The following TBX15 variants were observed in gnomAD, a reference collection of about 807,000 sequenced individuals.
TBX15 encodes T-box transcription factor TBX15.
Under a neutral mutation model 53.9 loss-of-function variants are expected in TBX15, and 18 were observed. The ratio of observed to expected loss-of-function variants is 0.33; its 90% CI spans 0.23 to 0.49. The LOEUF (loss-of-function observed/expected upper bound fraction) is 0.49, where lower values mean the gene tolerates loss of function less well. Ranked by LOEUF, TBX15 falls within the 20% of genes least tolerant of loss-of-function variation. The probability of loss-of-function intolerance (pLI) is 0.98; values close to 1 mark genes in which losing one functional copy is unlikely to be tolerated. For synonymous variants in TBX15, 295 were observed against 278.0 expected (o/e 1.06, Z -0.61); for missense variants, 692 against 749.5 (o/e 0.92, Z 0.90).
intron 1 of TBX15, among the ~76,000 whole-genome samples, chr1:118,964,111 A>G (rs1257518452): frequency 2.6e-5 from 4 of 152,248 alleles, no homozygotes; most frequent in Non-Finnish European, 5.9e-5. Context: ...AGCAAATGAA[A>G]TGGTGCCACT....
At chr1:118,888,185 T>C (rs531668497) in intron 7 of TBX15, among the ~76,000 whole-genome samples, 2 of 152,270 alleles carry the variant, frequency 1.3e-5, no homozygotes, top group East Asian at 3.9e-4. Context: ...GCCCTGAGCC[T>C]GATTCTAGGC....
chr1:118,912,061 G>A (rs541626871), intron 6 of TBX15, among the ~76,000 whole-genome samples: 1 of 152,206 alleles, frequency 6.6e-6, no homozygotes, highest in East Asian at 1.9e-4. Context: ...CTGCTCATAG[G>A]AAAGCACTTA....
chr1:118,916,817 G>T (rs972993117), intron 5 of TBX15, among the ~76,000 whole-genome samples: 1 of 151,986 alleles, frequency 6.6e-6, no homozygotes. Flanking sequence ...GGTGAGCTAC[G>T]ATTGCACCAC....
intron 1 of TBX15, among the ~76,000 whole-genome samples, chr1:118,957,732 T>A (rs1327468465): frequency 6.6e-6 from 1 of 152,228 alleles, no homozygotes; most frequent in Non-Finnish European, 1.5e-5. Context: ...TTTGGTTTTT[T>A]GTCCTCGCGA....
At chr1:118,896,089 A>C (rs1285744851) in intron 7 of TBX15, among the ~76,000 whole-genome samples, 1 of 152,152 alleles carries the variant, frequency 6.6e-6, no homozygotes, top group Non-Finnish European at 1.5e-5. Flanking sequence ...GATTTTTTGT[A>C]GTTTTTTTAG....
intron 1 of TBX15, among the ~76,000 whole-genome samples, chr1:118,935,616 G>A (rs1437630550): frequency 6.6e-6 from 1 of 152,064 alleles, no homozygotes; most frequent in Non-Finnish European, 1.5e-5. Context: ...GTGACTCACA[G>A]GGCCAAAGCA....
At chr1:118,962,961 A>G (rs1449763921) in intron 1 of TBX15, among the ~76,000 whole-genome samples, 1 of 152,238 alleles carries the variant, frequency 6.6e-6, no homozygotes, top group African/African-American at 2.4e-5. Context: ...AAAAGGGAAG[A>G]ATGAAACTTT....
In TBX15 at chr1:118,987,999, G is replaced by T. The variant is rs1029665937; in HGVS notation, c.-204C>A. On this transcript the variant is annotated 5_prime_UTR_variant, in exon 1 of 8. Transcript: ENST00000369429. The stretch of plus-strand genomic sequence containing the variant: ...TGCCGGATCCGACCTGCGCCCCTAC[G>T]CTGGCCCAGCTGCTAGGAACTAGCG... 3 of 658,990 alleles carry T rather than the reference G, an allele frequency of 4.6e-6. No homozygotes were observed. Among genetic ancestry groups the T allele is most frequent in the Admixed American group, 6.0e-5 (2 of 33,438 alleles). The allele number at this position is 658,990 out of a possible 1,614,324, so 40.8% of individuals were successfully genotyped here.
intron 5 of TBX15, among the ~76,000 whole-genome samples, chr1:118,921,020 C>G (rs924672459): frequency 6.6e-6 from 1 of 151,074 alleles, no homozygotes; most frequent in Admixed American, 6.6e-5. Flanking sequence ...AAAAAAAAAT[C>G]AAAACAATTA....
chr1:118,963,454 C>T (rs1196511077), intron 1 of TBX15, among the ~76,000 whole-genome samples: 1 of 152,194 alleles, frequency 6.6e-6, no homozygotes, highest in Non-Finnish European at 1.5e-5. Flanking sequence ...TACTTGTTTC[C>T]CTCTCCTGAG....
chr1:118,953,667 G>C (rs775851124), intron 1 of TBX15, among the ~76,000 whole-genome samples: 1 of 152,158 alleles, frequency 6.6e-6, no homozygotes, highest in Non-Finnish European at 1.5e-5. Context: ...TCCTAACCCA[G>C]TACCAACACT....
intron 5 of TBX15, among the ~76,000 whole-genome samples, chr1:118,918,410 A>G (rs1383484592): frequency 1.3e-5 from 2 of 152,100 alleles, no homozygotes; most frequent in Non-Finnish European, 2.9e-5. Context: ...CAAAACCATG[A>G]TAAGCTTCAG....
rs1207576724 is a variant in TBX15 at position 118,885,393 on chromosome 1, T to C, written c.1148A>G (p.Asn383Ser). The C allele has an allele frequency of 1.9e-6, 3 of 1,613,686 alleles. No individual in the cohort carries two copies. The highest frequency in any genetic ancestry group is 1.7e-5 in the Admixed American group (1 of 59,978). Residue 383 changes from asparagine to serine, a missense_variant, in exon 8 of 8, where the codon AAT becomes AGT. This residue lies in a region of TBX15 where 375 missense variants were observed against 371.6 expected (regional missense o/e 1.01). Transcript: ENST00000369429. ...CAGCTGGCTTTCTCGGCAGCCCACA[T>C]TGAAAGTGTTGGGGGCCAGATGAAA... Reference protein sequence around the residue: ...PTFHLAPNTFNVGCRESQLCN... With the variant: ...PTFHLAPNTFSVGCRESQLCN...
At position 118,936,386 on chromosome 1, in the gene TBX15, A is replaced by G. The variant is rs952054648; in HGVS notation, c.206-4554T>C. 6.6e-5 allele frequency among the ~76,000 whole-genome samples: 10 copies of G among 152,150 alleles called. No homozygotes were observed. In the East Asian group the frequency reaches 1.9e-3, roughly 29 times the overall value. ...TACAGTCTTGGCATCTCCACTTAAC[A>G]GTTAATTTTGAGGAATTATTCGTTA... On this transcript the variant is annotated intron_variant, in intron 1 of 7. Transcript: ENST00000369429.
intron 5 of TBX15, among the ~76,000 whole-genome samples, chr1:118,918,406 C>A (rs1335338777): frequency 6.6e-6 from 1 of 152,028 alleles, no homozygotes; most frequent in Non-Finnish European, 1.5e-5. Flanking sequence ...GTCCCAAAAC[C>A]ATGATAAGCT....
At chr1:118,964,836 GC>G (rs1355941435) in intron 1 of TBX15, among the ~76,000 whole-genome samples, 7 of 152,162 alleles carry the variant, frequency 4.6e-5, no homozygotes, top group African/African-American at 1.7e-4. Flanking sequence ...CCCCCTCCAG[GC>G]TTTTCCAGTG....
At position 118,892,717 on chromosome 1, in the gene TBX15, C is replaced by G. The variant is rs956551705; in HGVS notation, c.1024+6311G>C. 1.2e-4 allele frequency among the ~76,000 whole-genome samples: 19 copies of G among 152,244 alleles called. No individual in the cohort carries two copies. The East Asian group carries it at 3.5e-3, about 28-fold the overall frequency. On this transcript the variant is annotated intron_variant, in intron 7 of 7. Transcript: ENST00000369429. ...TTTCAAAGTGTATCACTTTAATTTACTATTCTTGTCATTATTTCTGTCCCA... is the reference window on the plus strand; with the variant it reads ...TTTCAAAGTGTATCACTTTAATTTAGTATTCTTGTCATTATTTCTGTCCCA...
chr1:118,884,636 G>T lies in TBX15; in HGVS notation c.*96C>A, dbSNP rs17022673. The T allele has an allele frequency of 6.3e-4, 707 of 1,121,760 alleles. No individual in the cohort carries two copies. Among genetic ancestry groups the T allele is most frequent in the Non-Finnish European group, 8.5e-4 (655 of 772,856 alleles). The allele number at this position is 1,121,760 out of a possible 1,614,324, so 69.5% of individuals were successfully genotyped here. The stretch of plus-strand genomic sequence containing the variant: ...AAAAAAAAAAAAAAACACGGTTCCT[G>T]TTTTTCAAAGACACTGGACTCCCAA... On this transcript the variant is annotated 3_prime_UTR_variant, in exon 8 of 8. Coordinates refer to ENST00000369429, the MANE Select transcript of TBX15 (RefSeq NM_001330677.2).
At chr1:118,946,890 TG>T (rs1158194222) in intron 1 of TBX15, among the ~76,000 whole-genome samples, 1 of 152,226 alleles carries the variant, frequency 6.6e-6, no homozygotes, top group African/African-American at 2.4e-5. Context: ...GCTTTTACTC[TG>T]GTTCTCTTTT....
Sources: gnomAD v4.1 joint callset for allele counts (sites outside exome capture counted in the v4.1 genomes callset) on GRCh38, gnomAD v4.1.1 for gene constraint, gnomAD v4.1.1 regional missense constraint, MANE v1.5 for transcripts, NCBI Gene and HGNC (gene_info 2026-07-23, HGNC 2026-07-21) for gene names.